The following NLRP7 variants were observed in gnomAD, a reference collection of about 807,000 sequenced individuals.
NLRP7 encodes NACHT, LRR and PYD domains-containing protein 7.
A neutral mutation model predicts 85.5 loss-of-function variants in NLRP7; 72 were observed. The observed-to-expected ratio is 0.84, with a 90% CI of 0.70 to 1.02. The LOEUF (loss-of-function observed/expected upper bound fraction) is 1.02, where lower values mean the gene tolerates loss of function less well. Ranked by LOEUF, NLRP7 falls within the 50% of genes least tolerant of loss-of-function variation. NLRP7 has a pLI of 0.00. For synonymous variants in NLRP7, 550 were observed against 505.2 expected (o/e 1.09, Z -1.19); for missense variants, 1,243 against 1,219.5 (o/e 1.02, Z -0.29).
At chr19:54,952,294 T>G (rs2146267851), upstream of NLRP7, among the ~76,000 whole-genome samples, 1 of 151,768 alleles carries the variant, frequency 6.6e-6, no homozygotes, top group Non-Finnish European at 1.5e-5. Context: ...ACCAAAACAC[T>G]TAAAAACCCT....
At chr19:54,959,426 C>G (rs190374533) in intron 1 of NLRP7, among the ~76,000 whole-genome samples, 1 of 150,724 alleles carries the variant, frequency 6.6e-6, no homozygotes, top group South Asian at 2.1e-4. Context: ...CGTGAGCCAC[C>G]GTGCCCGGCC....
intron 1 of NLRP7, among the ~76,000 whole-genome samples, chr19:54,965,565 C>T (rs1286542748): frequency 1.3e-5 from 1 of 77,602 alleles, no homozygotes; most frequent in African/African-American, 5.8e-5. Flanking sequence ...ACGCCATTCT[C>T]CTGCCTCAGC....
At chr19:54,964,598 A>C (rs2146299148) in intron 1 of NLRP7, among the ~76,000 whole-genome samples, 1 of 151,906 alleles carries the variant, frequency 6.6e-6, no homozygotes, top group South Asian at 2.1e-4. Flanking sequence ...TGAGGCTGGC[A>C]GATCACCTGA....
upstream of NLRP7, among the ~76,000 whole-genome samples, chr19:54,951,223 A>G (rs968198750): frequency 6.6e-6 from 1 of 152,096 alleles, no homozygotes; most frequent in Admixed American, 6.6e-5. Context: ...CACAGTTACA[A>G]TCTGATCTCT....
chr19:54,963,074 C>CTG (rs1376793760), intron 1 of NLRP7, among the ~76,000 whole-genome samples: 2 of 152,118 alleles, frequency 1.3e-5, no homozygotes, highest in Admixed American at 1.3e-4. Flanking sequence ...GCAATCACTA[C>CTG]TGTGTAGCAA....
intron 9 of NLRP7, among the ~76,000 whole-genome samples, chr19:54,928,201 T>C (rs760651740): frequency 1.3e-4 from 19 of 151,958 alleles, no homozygotes; most frequent in African/African-American, 4.1e-4. Context: ...GCCTGGGCAA[T>C]AGAATGAGAC....
At position 54,936,360 on chromosome 19, in the gene NLRP7, G is replaced by A. The variant is rs150220721; in HGVS notation, c.2201C>T (p.Thr734Met). 2.9e-4 allele frequency: 462 copies of A among 1,613,954 alleles called. 3 individuals carry two copies. In the South Asian group the frequency reaches 4.4e-3, roughly 15 times the overall value. Residue 734 changes from threonine to methionine, a missense_variant, in exon 6 of 10, where the codon ACG becomes ATG. Thr to Met is a moderately conservative substitution (Grantham distance 81, BLOSUM62 -1). Coordinates refer to ENST00000340844, the Ensembl canonical transcript of NLRP7. Reference sequence around the variant, plus strand: ...GATGTGCCCTGCCAGGGTCAGGTGCGTGAGGGTCTTCTTCCCAATGAAAGC... The same window carrying A: ...GATGTGCCCTGCCAGGGTCAGGTGCATGAGGGTCTTCTTCCCAATGAAAGC...
intron 5 of NLRP7, among the ~76,000 whole-genome samples, chr19:54,936,870 G>A (rs149055120): frequency 0.01 from 1,593 of 151,778 alleles, 35 homozygotes; most frequent in African/African-American, 0.036. Flanking sequence ...AGCCGAGACC[G>A]CACCACTGCA....
At chr19:54,928,646 A>G (rs1202299072) in intron 9 of NLRP7, among the ~76,000 whole-genome samples, 2 of 152,124 alleles carry the variant, frequency 1.3e-5, no homozygotes, top group African/African-American at 4.8e-5. Context: ...TGATATGAGG[A>G]AAGAAACTGA....
chr19:54,937,606 A>C (rs2068989304), intron 5 of NLRP7, among the ~76,000 whole-genome samples: 1 of 151,962 alleles, frequency 6.6e-6, no homozygotes, highest in African/African-American at 2.4e-5. Context: ...AAAATAAAAA[A>C]TAAAAAAGGG....
At position 54,934,657 on chromosome 19, in the gene NLRP7, A is replaced by G. The variant is rs1329243838; in HGVS notation, c.2303T>C (p.Leu768Ser). 14 of 1,612,446 alleles carry G rather than the reference A, an allele frequency of 8.7e-6. No homozygotes were observed. Among genetic ancestry groups the G allele is most frequent in the Non-Finnish European group, 1.2e-5 (14 of 1,179,400 alleles). ...CTCCGGGGTGGCACAGTGACCTCCC[A>G]ACCTGTGAAAAGAGTGGGAAAAGTC... The change falls in exon 7 of 10, where the codon TTG becomes TCG. Residue 768 changes from leucine to serine, a missense_variant and splice_region_variant. Leu to Ser is a moderately radical substitution (Grantham distance 145). This residue lies in a region of NLRP7 where 613 missense variants were observed against 588.4 expected (regional missense o/e 1.04). Coordinates refer to ENST00000340844, the Ensembl canonical transcript of NLRP7. The surrounding 1 kb of genome is among the most constrained non-coding windows in gnomAD (Gnocchi z 6.7).
exon 4 of NLRP7, chr19:54,939,742 C>T (rs1399135818): frequency 6.2e-7 from 1 of 1,613,520 alleles, no homozygotes; most frequent in South Asian, 1.1e-5. Context: ...GGGCCGAGCC[C>T]AGCTGGAACA....
Position 54,938,870 on chromosome 19 carries a change from TG to T in NLRP7, c.1931+17del. Reference sequence around the variant, plus strand: ...GGCCTCTTCCTAGTGGAGCGTGGGATGGGAAAACAGTTCTTACCTTTCAAAT... The same window carrying T: ...GGCCTCTTCCTAGTGGAGCGTGGGATGGAAAACAGTTCTTACCTTTCAAAT... On this transcript the variant is annotated intron_variant, in intron 4 of 9. Coordinates refer to ENST00000340844, the Ensembl canonical transcript of NLRP7. 6.2e-7 allele frequency: 1 copy of T among 1,613,382 alleles called. No homozygotes were observed. Among genetic ancestry groups the T allele is most frequent in the Non-Finnish European group, 8.5e-7 (1 of 1,179,890 alleles).
chr19:54,939,050 G>A (rs140113761), exon 4 of NLRP7: 13 of 1,614,062 alleles, frequency 8.1e-6, no homozygotes, highest in South Asian at 2.2e-5. Flanking sequence ...TTCCTTGAAC[G>A]GGGCCACCAC....
In NLRP7 at chr19:54,934,655, C is replaced by T. The variant is rs754936221; in HGVS notation, c.2305G>A (p.Gly769Arg). The T allele has an allele frequency of 1.9e-6, 3 of 1,612,872 alleles. No homozygotes were observed. The highest frequency in any genetic ancestry group is 1.7e-4 in the Middle Eastern group (1 of 5,748). The stretch of plus-strand genomic sequence containing the variant: ...TGCTCCGGGGTGGCACAGTGACCTC[C>T]CAACCTGTGAAAAGAGTGGGAAAAG... The change falls in exon 7 of 10, where the codon GGA (glycine) becomes AGA (arginine). Residue 769 changes from glycine (G) to arginine (R), a missense_variant. Coordinates refer to ENST00000340844, the Ensembl canonical transcript of NLRP7. This position sits in a 1 kb window ranked among gnomAD's most constrained non-coding sequence, Gnocchi z 6.7.
Position 54,934,547 on chromosome 19 carries a change from C to T in NLRP7, c.2413G>A (p.Gly805Ser), listed in dbSNP as rs1178989775. Residue 805 changes from glycine (G) to serine (S), a missense_variant, in exon 7 of 10, where the codon GGT (glycine) becomes AGT (serine). Around this residue, in one of 3 missense-constraint regions of NLRP7, gnomAD observed 613 missense variants for 588.4 expected, o/e 1.04. Coordinates refer to ENST00000340844, the Ensembl canonical transcript of NLRP7. This position sits in a 1 kb window ranked among gnomAD's most constrained non-coding sequence, Gnocchi z 6.7. ...ATGGTCTTGTACAGCAACATGGCAC[C>T]CTCATCCAGGAGCACATTGGCTGAG... 1 of 1,614,036 alleles carries T rather than the reference C, an allele frequency of 6.2e-7. No homozygotes were observed. The highest frequency in any genetic ancestry group is 1.7e-5 in the Admixed American group (1 of 59,994).
intron 3 of NLRP7, 51 bp downstream of exon 3, chr19:54,940,880 T>G: frequency 9.2e-7 from 1 of 1,084,874 alleles, no homozygotes; most frequent in South Asian, 1.2e-5. Context: ...GTGATGCACC[T>G]TGCATGCTCT....
upstream of NLRP7, among the ~76,000 whole-genome samples, chr19:54,951,979 C>T (rs1309638046): frequency 1.3e-5 from 2 of 152,058 alleles, no homozygotes; most frequent in Non-Finnish European, 2.9e-5. Flanking sequence ...GTCTCGATCT[C>T]CTGACCTCGT....
intron 1 of NLRP7, among the ~76,000 whole-genome samples, chr19:54,958,496 C>T (rs2069930176): frequency 6.6e-6 from 1 of 150,824 alleles, no homozygotes; most frequent in Admixed American, 6.6e-5. Context: ...AAAAAGTTAG[C>T]TAGCTGGGCA....
Sources: allele counts gnomAD v4.1 joint callset (sites outside exome capture counted in the v4.1 genomes callset), GRCh38; gene constraint gnomAD v4.1.1; regional missense constraint gnomAD v4.1.1; non-coding constraint Gnocchi (gnomAD v3.1); transcripts MANE v1.5; gene names NCBI Gene and HGNC (gene_info 2026-07-23, HGNC 2026-07-21).